The following HAPLN1 variants were observed in gnomAD, a reference collection of about 807,000 sequenced individuals.
HAPLN1 encodes the protein Cartilage link protein.
A neutral mutation model predicts 36.5 loss-of-function variants in HAPLN1; 13 were observed. The observed-to-expected ratio is 0.36, with a 90% confidence interval of 0.23 to 0.57. HAPLN1 has a LOEUF of 0.57. HAPLN1 is among the 20% of genes least tolerant of loss of function. The pLI is 0.83. For missense variants in HAPLN1, 407 were observed against 439.7 expected (o/e 0.93, Z 0.66); for synonymous variants, 202 against 169.8 (o/e 1.19, Z -1.48).
intron 1 of HAPLN1, among the ~76,000 whole-genome samples, chr5:83,702,427 A>G (rs1414231574): frequency 6.6e-6 from 1 of 152,202 alleles, no homozygotes; most frequent in Non-Finnish European, 1.5e-5. Flanking sequence ...CTTGTTAGCA[A>G]TAAGACTGTA....
chr5:83,699,166 C>T (rs74873755), intron 1 of HAPLN1, among the ~76,000 whole-genome samples: 1 of 152,058 alleles, frequency 6.6e-6, no homozygotes, highest in Non-Finnish European at 1.5e-5. Context: ...AAGGAAGAGG[C>T]TTTGAAAATG....
At chr5:83,662,245 G>A (rs1053136016) in intron 2 of HAPLN1, among the ~76,000 whole-genome samples, 3 of 152,154 alleles carry the variant, frequency 2.0e-5, no homozygotes, top group Admixed American at 2.0e-4. Context: ...TGCTAAATGA[G>A]ATGACCCAGG....
rs1270729474 is a variant in HAPLN1, at chr5:83,638,823, C to T, written c.*2673G>A. The T allele has an allele frequency of 1.3e-5, 2 of 151,966 alleles. No homozygotes were observed. The highest frequency in any genetic ancestry group is 2.1e-4 in the South Asian group (1 of 4,826). The allele number at this position is 151,966 out of a possible 1,614,324, so 9.4% of individuals were successfully genotyped here. On this transcript the variant is annotated 3_prime_UTR_variant, in exon 5 of 5. Transcript: ENST00000274341. ...AGTGTTAATGTGACCAACTTATTTT[C>T]GTTCTTATGTTGTCTTTTTATTTGA...
At chr5:83,699,417 T>G (rs1054243203) in intron 1 of HAPLN1, among the ~76,000 whole-genome samples, 1 of 152,224 alleles carries the variant, frequency 6.6e-6, no homozygotes, top group Non-Finnish European at 1.5e-5. Flanking sequence ...GCTACTGTTT[T>G]ACTTCTAGCA....
chr5:83,659,610 T>C lies in HAPLN1; in HGVS notation c.101-6786A>G, dbSNP rs537351152. ...AATCTTATAAAAATAAATGTAGAAG[T>C]TGAGGGAATTTAACAAATAGACAAG... On this transcript the variant is annotated intron_variant, in intron 2 of 4. Coordinates refer to ENST00000274341, the MANE Select transcript of HAPLN1 (RefSeq NM_001884.4). 1.5e-3 allele frequency among the ~76,000 whole-genome samples: 226 copies of C among 152,144 alleles called. 1 individual carries two copies. The highest frequency in any genetic ancestry group is 2.8e-3 in the Admixed American group (43 of 15,284).
intron 2 of HAPLN1, among the ~76,000 whole-genome samples, chr5:83,669,172 T>C (rs753538286): frequency 5.9e-5 from 9 of 152,178 alleles, no homozygotes; most frequent in Non-Finnish European, 1.2e-4. Flanking sequence ...AACTTTAGTT[T>C]CTACCAGGAA....
chr5:83,715,475 T>A (rs768759977), intron 1 of HAPLN1, among the ~76,000 whole-genome samples: 1 of 152,192 alleles, frequency 6.6e-6, no homozygotes, highest in Non-Finnish European at 1.5e-5. Flanking sequence ...TACTAGTGAT[T>A]CATGATGCGT....
In HAPLN1 at chr5:83,640,094, C is replaced by T. The variant is rs1442212709; in HGVS notation, c.*1402G>A. 1 of 151,948 alleles carries T rather than the reference C, an allele frequency of 6.6e-6. No individual in the cohort carries two copies. Among genetic ancestry groups the T allele is most frequent in the African/African-American group, 2.4e-5 (1 of 41,386 alleles). 9.4% of individuals were successfully genotyped at this position (151,948 alleles called of 1,614,324 possible). A position where few individuals can be genotyped will look rare whatever the true frequency, so the allele number is the denominator to read the frequency against. On this transcript the variant is annotated 3_prime_UTR_variant, in exon 5 of 5. Transcript: ENST00000274341. ...CATACTTGGATTATTATAGTAAATC[C>T]CATTTATTAGAACTCATTGTGAAAC... is the stretch of plus-strand genomic sequence containing the variant.
chr5:83,645,617 A>C (rs1749851200), intron 3 of HAPLN1, among the ~76,000 whole-genome samples: 1 of 152,066 alleles, frequency 6.6e-6, no homozygotes, highest in African/African-American at 2.4e-5. Context: ...TTGCATATTT[A>C]ACAAGAAAAT....
rs576535629 is a variant in HAPLN1, at chr5:83,663,457, C to T, written c.100+9967G>A. 1.3e-4 allele frequency among the ~76,000 whole-genome samples: 20 copies of T among 152,288 alleles called. 1 individual carries two copies. The South Asian group carries it at 4.1e-3, about 32-fold the overall frequency. On this transcript the variant is annotated intron_variant, in intron 2 of 4. Coordinates refer to ENST00000274341, the MANE Select transcript of HAPLN1 (RefSeq NM_001884.4). ...ACTCATACTAGGTCCATCTCCTTCC[C>T]TTTATCTGCATATTCCCCCTCCCCA...
chr5:83,720,829 G>C lies in HAPLN1; in HGVS notation c.-67C>G, dbSNP rs1213329961. On this transcript the variant is annotated 5_prime_UTR_variant, in exon 1 of 5. Coordinates refer to ENST00000274341, the MANE Select transcript of HAPLN1 (RefSeq NM_001884.4). ...AGGAGTTCGGATGCTCTCAAGTTCT[G>C]CTTAAGTTGGAAGCTGGAGATCAAG... The C allele has an allele frequency of 1.3e-5, 2 of 152,226 alleles. No individual in the cohort carries two copies. The highest frequency in any genetic ancestry group is 3.9e-4 in the East Asian group (2 of 5,186). 9.4% of individuals were successfully genotyped at this position (152,226 alleles called of 1,614,324 possible).
At chr5:83,652,148 A>G in intron 3 of HAPLN1, 1 of 356,966 alleles carries the variant, frequency 2.8e-6, no homozygotes. Flanking sequence ...CTCAATAACC[A>G]TATAATGGAA....
chr5:83,675,885 C>T (rs781122163), intron 1 of HAPLN1, among the ~76,000 whole-genome samples: 1 of 152,160 alleles, frequency 6.6e-6, no homozygotes, highest in Non-Finnish European at 1.5e-5. Context: ...AGGTACACAT[C>T]TAGTAAGTGG....
chr5:83,648,258 G>T (rs1749932340), intron 3 of HAPLN1, among the ~76,000 whole-genome samples: 1 of 151,234 alleles, frequency 6.6e-6, no homozygotes, highest in African/African-American at 2.4e-5. Flanking sequence ...CTCACATGGA[G>T]GTCAGTCTTT....
chr5:83,660,875 A>C (rs1400554853), intron 2 of HAPLN1, among the ~76,000 whole-genome samples: 1 of 152,136 alleles, frequency 6.6e-6, no homozygotes, highest in Non-Finnish European at 1.5e-5. Context: ...AAAGGAAGTA[A>C]TTCACATTGA....
intron 3 of HAPLN1, among the ~76,000 whole-genome samples, chr5:83,648,765 C>T (rs753108723): frequency 6.6e-5 from 10 of 151,834 alleles, no homozygotes; most frequent in Admixed American, 3.9e-4. Flanking sequence ...TAGATAGTCA[C>T]ATGTAAGGAT....
chr5:83,654,442 T>C (rs1750160374), intron 2 of HAPLN1, among the ~76,000 whole-genome samples: 1 of 152,204 alleles, frequency 6.6e-6, no homozygotes, highest in African/African-American at 2.4e-5. Context: ...ACCCTACATA[T>C]AAGTTTTTCC....
At chr5:83,719,182 G>C (rs187441914) in intron 1 of HAPLN1, among the ~76,000 whole-genome samples, 1 of 152,204 alleles carries the variant, frequency 6.6e-6, no homozygotes, top group African/African-American at 2.4e-5. Flanking sequence ...CTGAGAGACA[G>C]GGCCTTGCTG....
rs1470063049 is a variant in HAPLN1 at position 83,673,474 on chromosome 5, T to C, written c.50A>G (p.His17Arg). Residue 17 changes from histidine (H) to arginine (R), a missense_variant, in exon 2 of 5, where the codon CAT becomes CGT. Physicochemically the swap from His to Arg is conservative, Grantham distance 29. Coordinates refer to ENST00000274341, the MANE Select transcript of HAPLN1 (RefSeq NM_001884.4). ...LVLISICWAD[H>R]LSDNYTLDHD... ...ATCCAGAGTATAGTTGTCTGAAAGA[T>C]GATCAGCCCAGCAGATTGAAATCAG... is the stretch of plus-strand genomic sequence containing the variant. The C allele has an allele frequency of 4.3e-6, 7 of 1,613,720 alleles. No homozygotes were observed. The highest frequency in any genetic ancestry group is 4.0e-5 in the African/African-American group (3 of 74,926).
Sources: allele counts gnomAD v4.1 joint callset (sites outside exome capture counted in the v4.1 genomes callset), GRCh38; gene constraint gnomAD v4.1.1; transcripts MANE v1.5; gene names NCBI Gene and HGNC (gene_info 2026-07-23, HGNC 2026-07-21).